Variants in CA10 observed in about 807,000 individuals in gnomAD.
CA10 encodes carbonic anhydrase 10 (inactive), also known as carbonic anhydrase-related protein 10.
A neutral mutation model predicts 44.2 loss-of-function variants in CA10; 14 were observed. The observed-to-expected ratio is 0.32, with a 90% CI of 0.21 to 0.50. The LOEUF (loss-of-function observed/expected upper bound fraction) is 0.50. CA10 is among the 20% of genes least tolerant of loss of function. The probability of loss-of-function intolerance (pLI) is 0.99; values close to 1 mark genes in which losing one functional copy is unlikely to be tolerated. For missense variants in CA10, 350 were observed against 409.7 expected, an observed-to-expected ratio of 0.85 and a Z score of 1.26; for synonymous variants, 159 against 141.6, an observed-to-expected ratio of 1.12 and a Z score of -0.87.
At chr17:51,765,472 G>C (rs1905337818) in intron 3 of CA10, among the ~76,000 whole-genome samples, 1 of 152,162 alleles carries the variant, frequency 6.6e-6, no homozygotes, top group African/African-American at 2.4e-5. Context: ...AGATAATTAT[G>C]GGCCAGAGAA....
rs80004755 is a variant in CA10 at position 51,855,956 on chromosome 17, C to T, written c.279+75034G>A. Among the ~76,000 whole-genome samples the T allele has an allele frequency of 7.3e-3, 1,114 of 152,198 alleles. 6 individuals are homozygous for T. Among genetic ancestry groups the T allele is most frequent in the Non-Finnish European group, 0.012 (845 of 68,016 alleles). On this transcript the variant is annotated intron_variant, in intron 3 of 8. Coordinates refer to ENST00000451037, the MANE Select transcript of CA10 (RefSeq NM_020178.5). Reference sequence around the variant, plus strand: ...ACAGGATCTGAACTGGCTGATTCACCTTTGGACTCAATTACCTTATCTGTC... The same window carrying T: ...ACAGGATCTGAACTGGCTGATTCACTTTTGGACTCAATTACCTTATCTGTC...
At chr17:51,961,137 G>A (rs957707294) in intron 2 of CA10, among the ~76,000 whole-genome samples, 23 of 151,036 alleles carry the variant, frequency 1.5e-4, no homozygotes, top group Admixed American at 2.6e-4. Context: ...CAGAACCCAC[G>A]ATTGCATTAG....
chr17:52,012,629 A>G (rs796104182), intron 2 of CA10, among the ~76,000 whole-genome samples: 8 of 152,176 alleles, frequency 5.3e-5, no homozygotes, highest in African/African-American at 1.9e-4. Context: ...ACGTTCAGTG[A>G]TTATTAATAT....
intron 3 of CA10, among the ~76,000 whole-genome samples, chr17:51,764,414 C>T (rs1377874041): frequency 6.6e-6 from 1 of 152,200 alleles, no homozygotes; most frequent in Non-Finnish European, 1.5e-5. Context: ...GCCCCCATGT[C>T]CCACTATGAG....
intron 4 of CA10, among the ~76,000 whole-genome samples, chr17:51,726,790 T>C (rs1039716132): frequency 6.6e-6 from 1 of 152,196 alleles, no homozygotes; most frequent in Non-Finnish European, 1.5e-5. Flanking sequence ...ATATTTAACA[T>C]GTATCTAGAA....
intron 2 of CA10, among the ~76,000 whole-genome samples, chr17:51,980,958 C>T (rs1984633928): frequency 6.6e-6 from 1 of 152,064 alleles, no homozygotes; most frequent in South Asian, 2.1e-4. Flanking sequence ...GGAAAATGCA[C>T]ATTAAAAACA....
At chr17:51,702,887 A>G (rs570069692) in intron 4 of CA10, among the ~76,000 whole-genome samples, 2 of 152,272 alleles carry the variant, frequency 1.3e-5, no homozygotes, top group South Asian at 4.2e-4. Flanking sequence ...AGTAGCAGCC[A>G]GGTTCTTTCT....
chr17:51,686,713 C>G (rs1915023116), intron 4 of CA10, among the ~76,000 whole-genome samples: 1 of 152,096 alleles, frequency 6.6e-6, no homozygotes, highest in African/African-American at 2.4e-5. Context: ...CTTAGTGTCT[C>G]AAATGTAATA....
At chr17:51,654,642 C>T (rs1476372207) in intron 4 of CA10, among the ~76,000 whole-genome samples, 1 of 151,864 alleles carries the variant, frequency 6.6e-6, no homozygotes, top group Non-Finnish European at 1.5e-5. Flanking sequence ...CTGCAACCTC[C>T]GCCTCCCAGG....
intron 4 of CA10, among the ~76,000 whole-genome samples, chr17:51,737,399 G>C (rs1159039191): frequency 6.6e-6 from 1 of 151,378 alleles, no homozygotes; most frequent in Non-Finnish European, 1.5e-5. Flanking sequence ...TCTTCAGTTT[G>C]GGCTAGATGA....
At chr17:51,781,630 A>C (rs1906063847) in intron 3 of CA10, among the ~76,000 whole-genome samples, 1 of 152,196 alleles carries the variant, frequency 6.6e-6, no homozygotes, top group Non-Finnish European at 1.5e-5. Context: ...TCATCTACAG[A>C]ACCAGAAACA....
intron 2 of CA10, among the ~76,000 whole-genome samples, chr17:52,019,616 A>G (rs1222992032): frequency 6.6e-6 from 1 of 152,120 alleles, no homozygotes; most frequent in Non-Finnish European, 1.5e-5. Flanking sequence ...TACACAGATG[A>G]TAAGTATATA....
At chr17:52,085,307 C>T (rs1363312236) in intron 1 of CA10, among the ~76,000 whole-genome samples, 7 of 152,312 alleles carry the variant, frequency 4.6e-5, no homozygotes, top group Non-Finnish European at 7.3e-5. Context: ...CTCCTATGTC[C>T]ATCCATGCTC....
chr17:51,821,091 C>CCCTCCCTTCCTTCCTT (rs1276980005), intron 3 of CA10, among the ~76,000 whole-genome samples: 1 of 116,122 alleles, frequency 8.6e-6, no homozygotes, highest in African/African-American at 3.9e-5. Flanking sequence ...CTCCCTCCCT[C>CCCTCCCTTCCTTCCTT]CCTTCCTTCC....
At chr17:51,951,349 G>A (rs572277471) in intron 2 of CA10, among the ~76,000 whole-genome samples, 1 of 152,216 alleles carries the variant, frequency 6.6e-6, no homozygotes, top group South Asian at 2.1e-4. Context: ...ACTGCCCAAG[G>A]AAGCAAAGCC....
At chr17:52,153,601 G>A (rs867931647) in intron 1 of CA10, among the ~76,000 whole-genome samples, 1 of 152,118 alleles carries the variant, frequency 6.6e-6, no homozygotes, top group Non-Finnish European at 1.5e-5. Context: ...TGTATGAGAA[G>A]GAAAATTAAG....
At chr17:51,999,638 C>T (rs1235099004) in intron 2 of CA10, among the ~76,000 whole-genome samples, 1 of 152,014 alleles carries the variant, frequency 6.6e-6, no homozygotes, top group African/African-American at 2.4e-5. Context: ...AGAAGGATGC[C>T]AGCTCTTCCT....
intron 1 of CA10, among the ~76,000 whole-genome samples, 189 bp downstream of exon 1, chr17:52,157,537 C>T (rs539827155): frequency 6.8e-6 from 1 of 147,386 alleles, no homozygotes; most frequent in African/African-American, 2.5e-5. Flanking sequence ...CCACCCCCCC[C>T]CGCAAAACAC....
intron 4 of CA10, among the ~76,000 whole-genome samples, chr17:51,731,075 C>T (rs1266514187): frequency 6.6e-6 from 1 of 152,124 alleles, no homozygotes; most frequent in Non-Finnish European, 1.5e-5. Context: ...CTAACAGGCT[C>T]CATATCAAGA....
Sources: gnomAD v4.1 joint callset for allele counts (sites outside exome capture counted in the v4.1 genomes callset) on GRCh38, gnomAD v4.1.1 for gene constraint, MANE v1.5 for transcripts, NCBI Gene and HGNC (gene_info 2026-07-23, HGNC 2026-07-21) for gene names.